CEP295: variants seen among roughly 807,000 people sequenced by gnomAD.
CEP295 encodes the protein centrosomal protein of 295 kDa.
In CEP295, 190 loss-of-function variants were observed where a neutral mutation model predicts 291.6. The ratio of observed to expected loss-of-function variants is 0.65; its 90% CI spans 0.58 to 0.73. The LOEUF (loss-of-function observed/expected upper bound fraction) is 0.73, where lower values mean the gene tolerates loss of function less well. Among genes scored for constraint, CEP295 ranks in the 30% least tolerant of loss-of-function variants. CEP295 has a pLI of 0.00. For missense variants in CEP295, 2,863 were observed against 2,949.4 expected, an observed-to-expected ratio of 0.97 and a Z score of 0.68; for synonymous variants, 993 against 1,038.8, an observed-to-expected ratio of 0.96 and a Z score of 0.85.
intron 1 of CEP295, among the ~76,000 whole-genome samples, chr11:93,665,342 C>T (rs983931434): frequency 2.0e-5 from 3 of 152,086 alleles, no homozygotes; most frequent in African/African-American, 4.8e-5. Flanking sequence ...CTTTTTGCCT[C>T]GTTCCCCCAA....
chr11:93,689,372 C>A (rs1171077543), intron 10 of CEP295, among the ~76,000 whole-genome samples: 1 of 152,190 alleles, frequency 6.6e-6, no homozygotes, highest in African/African-American at 2.4e-5. Context: ...ATTTGCCTGC[C>A]ACACCTCCCT....
intron 18 of CEP295, among the ~76,000 whole-genome samples, chr11:93,717,368 C>T (rs192974371): frequency 2.0e-5 from 3 of 152,188 alleles, no homozygotes; most frequent in African/African-American, 4.8e-5. Context: ...CAAAGCTGAG[C>T]GTCTGACCTG....
intron 18 of CEP295, among the ~76,000 whole-genome samples, chr11:93,709,269 C>A (rs1449322667): frequency 1.3e-5 from 2 of 152,102 alleles, no homozygotes; most frequent in Non-Finnish European, 2.9e-5. Context: ...TTAGTAGTTT[C>A]AAATTTGAGG....
At position 93,698,048 on chromosome 11, in the gene CEP295, T is replaced by G. The variant is rs1025800267; in HGVS notation, c.3136T>G (p.Phe1046Val). 1 of 1,551,690 alleles carries G rather than the reference T, an allele frequency of 6.4e-7. No homozygotes were observed. The highest frequency in any genetic ancestry group is 1.4e-5 in the African/African-American group (1 of 73,044). Residue 1046 changes from phenylalanine (F) to valine (V), a missense_variant, in exon 15 of 30, where the codon TTC (phenylalanine) becomes GTC (valine). Physicochemically the swap from Phe to Val is conservative, Grantham distance 50. Around this residue, in one of 3 missense-constraint regions of CEP295, gnomAD observed 2,295 missense variants for 2,335.7 expected, o/e 0.98. Coordinates refer to ENST00000325212, the MANE Select transcript of CEP295 (RefSeq NM_033395.2). The part of the protein sequence containing the change: ...IPISQDGSLS[F>V]LQQFLPLHDS... ...CATATCTCAGGATGGGTCTTTGAGT[T>G]TCCTACAGCAGTTCCTACCTCTACA...
intron 18 of CEP295, among the ~76,000 whole-genome samples, chr11:93,710,704 A>G (rs1392063653): frequency 2.0e-5 from 3 of 152,084 alleles, no homozygotes; most frequent in Non-Finnish European, 2.9e-5. Context: ...TTTGCCTTTA[A>G]GTGTTCGGTA....
intron 2 of CEP295, among the ~76,000 whole-genome samples, chr11:93,667,072 C>G (rs1950233486): frequency 6.6e-6 from 1 of 152,106 alleles, no homozygotes; most frequent in Admixed American, 6.5e-5. Flanking sequence ...TAAAAATGGT[C>G]TGTAATTGGT....
At chr11:93,679,313 A>T in intron 6 of CEP295, 99 bp from the exon 7 acceptor site, 1 of 963,616 alleles carries the variant, frequency 1.0e-6, no homozygotes, top group Non-Finnish European at 1.5e-6. Context: ...CTTATATTTT[A>T]TATATGTAGA....
At chr11:93,715,654 T>G (rs642984) in intron 18 of CEP295, among the ~76,000 whole-genome samples, 1 of 151,888 alleles carries the variant, frequency 6.6e-6, no homozygotes, top group South Asian at 2.1e-4. Flanking sequence ...CATATACTAC[T>G]TGGCTACCAC....
In CEP295 at chr11:93,695,556, G is replaced by A; in HGVS notation, c.1593G>A (p.Gln531=). The change falls in exon 13 of 30, where the codon CAG becomes CAA. Residue 531 remains glutamine (Q), a synonymous_variant. Transcript: ENST00000325212. ...KQLELLEQIE[Q]QKLRLETDCF... is the part of the protein sequence containing the mutation. The stretch of plus-strand genomic sequence containing the variant: ...TGGAATTACTTGAACAAATTGAACA[G>A]CAGAAATTAAGATTAGAAACTGACT... 1 of 1,482,016 alleles carries A rather than the reference G, an allele frequency of 6.7e-7. No homozygotes were observed. The highest frequency in any genetic ancestry group is 2.7e-5 in the East Asian group (1 of 37,398). 91.8% of individuals were successfully genotyped at this position (1,482,016 alleles called of 1,614,324 possible).
rs555666376 is a variant in CEP295, at chr11:93,723,277, A to C, written c.6184A>C (p.Thr2062Pro). ...TGAAGCAAATTTGATACCTGAAAAA[A>C]CAGATTTGCAAGGTAAAATTATTTT... ...INEANLIPEK[T>P]DLQELEHIFP... The change falls in exon 21 of 30, where the codon ACA becomes CCA. Residue 2062 changes from threonine (T) to proline (P), a missense_variant. Physicochemically the swap from Thr to Pro is conservative, Grantham distance 38. This residue lies in a region of CEP295 where 2,295 missense variants were observed against 2,335.7 expected (regional missense o/e 0.98). Coordinates refer to ENST00000325212, the MANE Select transcript of CEP295 (RefSeq NM_033395.2). 10 of 1,510,006 alleles carry C rather than the reference A, an allele frequency of 6.6e-6. No individual in the cohort carries two copies. The South Asian group carries it at 1.3e-4, about 19-fold the overall frequency. 93.5% of individuals were successfully genotyped at this position (1,510,006 alleles called of 1,614,324 possible). A position where few individuals can be genotyped will look rare whatever the true frequency, so the allele number is the denominator to read the frequency against.
intron 2 of CEP295, among the ~76,000 whole-genome samples, 192 bp from the exon 3 acceptor site, chr11:93,667,415 T>C (rs1342381854): frequency 6.6e-6 from 1 of 152,192 alleles, no homozygotes; most frequent in Non-Finnish European, 1.5e-5. Flanking sequence ...TTAGATATAG[T>C]CTTGAGATTT....
chr11:93,692,605 A>G (rs1591041862), intron 12 of CEP295, among the ~76,000 whole-genome samples: 1 of 152,088 alleles, frequency 6.6e-6, no homozygotes, highest in East Asian at 1.9e-4. Flanking sequence ...CTACAGGTAT[A>G]GGCCACCATG....
intron 5 of CEP295, among the ~76,000 whole-genome samples, chr11:93,671,633 C>T (rs1189219993): frequency 6.6e-6 from 1 of 152,064 alleles, no homozygotes; most frequent in Non-Finnish European, 1.5e-5. Flanking sequence ...AAATACATTA[C>T]CCAAGCCAAT....
chr11:93,703,587 T>C (rs1283485603), intron 17 of CEP295, among the ~76,000 whole-genome samples: 3 of 151,676 alleles, frequency 2.0e-5, no homozygotes, highest in Non-Finnish European at 4.4e-5. Flanking sequence ...TTTTTTTTTT[T>C]CTCTTTTCCT....
At chr11:93,704,272 T>A (rs994350621) in intron 17 of CEP295, among the ~76,000 whole-genome samples, 1 of 152,200 alleles carries the variant, frequency 6.6e-6, no homozygotes, top group African/African-American at 2.4e-5. Context: ...AATGTTAATA[T>A]TAGCTGTTTG....
intron 5 of CEP295, among the ~76,000 whole-genome samples, chr11:93,675,229 T>A (rs1424838892): frequency 6.6e-6 from 1 of 152,210 alleles, no homozygotes; most frequent in African/African-American, 2.4e-5. Context: ...CTTATAAATA[T>A]AATGAAGTGC....
chr11:93,705,494 C>T (rs557909083), intron 17 of CEP295, among the ~76,000 whole-genome samples: 1 of 151,926 alleles, frequency 6.6e-6, no homozygotes, highest in East Asian at 1.9e-4. Context: ...GGCTAATTTT[C>T]TTAATTTTGT....
intron 5 of CEP295, among the ~76,000 whole-genome samples, chr11:93,674,194 C>G (rs1163137173): frequency 1.3e-5 from 2 of 151,696 alleles, no homozygotes; most frequent in Non-Finnish European, 2.9e-5. Flanking sequence ...AACTCCTGAC[C>G]TCAAGTGATC....
chr11:93,704,783 A>G (rs35805434), intron 17 of CEP295, among the ~76,000 whole-genome samples: 8,258 of 152,256 alleles, frequency 0.054, 319 homozygotes, highest in Non-Finnish European at 0.084. Flanking sequence ...AGTAATTTAA[A>G]AAGGGAAATA....
Sources: gnomAD v4.1 joint callset for allele counts (sites outside exome capture counted in the v4.1 genomes callset) on GRCh38, gnomAD v4.1.1 for gene constraint, gnomAD v4.1.1 regional missense constraint, MANE v1.5 for transcripts, NCBI Gene and HGNC (gene_info 2026-07-23, HGNC 2026-07-21) for gene names.